The following FOXP1 variants were observed in gnomAD, a reference collection of about 807,000 sequenced individuals.
FOXP1 encodes forkhead box protein P1.
FOXP1 carries 15 observed loss-of-function variants against 98.2 expected under a neutral mutation model. The observed-to-expected ratio is 0.15, with a 90% CI of 0.10 to 0.24. The LOEUF is 0.24. FOXP1 is among the 10% of genes least tolerant of loss of function. The probability of loss-of-function intolerance (pLI) is 1.00; values close to 1 mark genes in which losing one functional copy is unlikely to be tolerated. For missense variants in FOXP1, 633 were observed against 848.5 expected (o/e 0.75, Z 3.15); for synonymous variants, 371 against 314.5 (o/e 1.18, Z -1.90).
At chr3:71,080,030 C>A (rs954328122) in intron 7 of FOXP1, among the ~76,000 whole-genome samples, 1 of 152,176 alleles carries the variant, frequency 6.6e-6, no homozygotes, top group African/African-American at 2.4e-5. Context: ...GAGCAGGACC[C>A]CCAAATCAGG....
chr3:71,545,089 A>G (rs2045249040), intron 2 of FOXP1, among the ~76,000 whole-genome samples: 1 of 141,262 alleles, frequency 7.1e-6, no homozygotes, highest in African/African-American at 2.7e-5. Context: ...CATGGGTGGT[A>G]AAACAATTTT....
rs140365929 is a variant in FOXP1, at chr3:71,436,855, T to A, written c.-168+56571A>T. On this transcript the variant is annotated intron_variant, in intron 3 of 20. Transcript: ENST00000649528. ...ATGTAATTTTGGCGTAACTTTGACA[T>A]CTATCTAAAACACAGGAAACAAAAT... Among the ~76,000 whole-genome samples, 82 of 152,280 alleles carry A rather than the reference T, an allele frequency of 5.4e-4. No individual in the cohort carries two copies. The East Asian group carries it at 0.014, about 26-fold the overall frequency.
chr3:71,414,663 G>A (rs1212433136), intron 3 of FOXP1, among the ~76,000 whole-genome samples: 4 of 152,252 alleles, frequency 2.6e-5, no homozygotes, highest in African/African-American at 9.6e-5. Flanking sequence ...GGGGGAGTAA[G>A]GGGAGAGGGC....
chr3:71,348,534 TGTGTGTGTGTGTGTGCGTGCGC>T (rs1314990565), intron 4 of FOXP1, among the ~76,000 whole-genome samples: 1 of 128,234 alleles, frequency 7.8e-6, no homozygotes, highest in Non-Finnish European at 1.8e-5. Flanking sequence ...TGTGTGTGTG[TGTGTGTGTGTGTGTGCGTGCGC>T]GCGCGCACGC....
At chr3:71,064,684 G>T in intron 7 of FOXP1, 2 of 515,954 alleles carry the variant, frequency 3.9e-6, no homozygotes, top group Non-Finnish European at 5.0e-6. Context: ...AAACAGCGAG[G>T]ATGAGGATGA....
rs190373992 is a variant in FOXP1 at position 71,346,395 on chromosome 3, T to C, written c.-73+12755A>G. On this transcript the variant is annotated intron_variant, in intron 4 of 20. Transcript: ENST00000649528. ...TTTGTTGGGTGGAAGAGGCATTTTT[T>C]TCACTGAGCAAAGAATTACGGTAAA... is the stretch of plus-strand genomic sequence containing the variant. Among the ~76,000 whole-genome samples the C allele has an allele frequency of 2.2e-3, 328 of 152,334 alleles. 1 individual carries two copies. Among genetic ancestry groups the C allele is most frequent in the Admixed American group, 8.8e-3 (134 of 15,300 alleles).
intron 6 of FOXP1, among the ~76,000 whole-genome samples, chr3:71,164,143 A>T (rs2061285437): frequency 6.6e-6 from 1 of 152,232 alleles, no homozygotes; most frequent in Admixed American, 6.5e-5. Context: ...TGTTAGGGCT[A>T]GAAATAAACA....
At chr3:71,426,461 G>T (rs1345521488) in intron 3 of FOXP1, among the ~76,000 whole-genome samples, 1 of 152,118 alleles carries the variant, frequency 6.6e-6, no homozygotes, top group Non-Finnish European at 1.5e-5. Context: ...TCTACAAGAC[G>T]ACCCAAGTGG....
At chr3:71,386,381 G>C (rs2108087152) in intron 3 of FOXP1, among the ~76,000 whole-genome samples, 1 of 152,274 alleles carries the variant, frequency 6.6e-6, no homozygotes, top group African/African-American at 2.4e-5. Flanking sequence ...TCTGACCATT[G>C]CGTGCCCAGG....
At chr3:71,228,272 C>G (rs2065997704) in intron 5 of FOXP1, among the ~76,000 whole-genome samples, 1 of 151,586 alleles carries the variant, frequency 6.6e-6, no homozygotes, top group Non-Finnish European at 1.5e-5. Flanking sequence ...TTTCAATTCT[C>G]TATACGCACC....
chr3:71,545,820 T>C (rs2045311540), intron 2 of FOXP1, among the ~76,000 whole-genome samples: 1 of 152,234 alleles, frequency 6.6e-6, no homozygotes, highest in African/African-American at 2.4e-5. Context: ...GCTATTGCCA[T>C]GTCCCTTTTG....
intron 11 of FOXP1, among the ~76,000 whole-genome samples, chr3:71,029,133 G>A (rs2046517762): frequency 6.6e-6 from 1 of 152,166 alleles, no homozygotes. Flanking sequence ...CCAAAGAGTG[G>A]CAAGTATAGA....
chr3:71,516,339 A>G (rs1177725077), intron 2 of FOXP1, among the ~76,000 whole-genome samples: 1 of 152,166 alleles, frequency 6.6e-6, no homozygotes, highest in Non-Finnish European at 1.5e-5. Flanking sequence ...GGATAGAAAA[A>G]GAATGAAAAA....
At chr3:71,466,781 G>A (rs756217760) in intron 3 of FOXP1, among the ~76,000 whole-genome samples, 5 of 152,208 alleles carry the variant, frequency 3.3e-5, no homozygotes, top group Non-Finnish European at 7.3e-5. Flanking sequence ...ACTGCCTAGG[G>A]CAGGGGGTTG....
intron 5 of FOXP1, among the ~76,000 whole-genome samples, chr3:71,257,899 G>A (rs2068770004): frequency 6.6e-6 from 1 of 152,044 alleles, no homozygotes; most frequent in Non-Finnish European, 1.5e-5. Context: ...TGTAAAATGG[G>A]GGTAACAATC....
chr3:71,447,861 T>C (rs2086595400), intron 3 of FOXP1, among the ~76,000 whole-genome samples: 2 of 152,200 alleles, frequency 1.3e-5, no homozygotes, highest in African/African-American at 4.8e-5. Flanking sequence ...TTTGCAAGTA[T>C]AGAATCTATA....
Position 70,988,059 on chromosome 3 carries a change from G to A in FOXP1, c.1081C>T (p.Arg361Cys), listed in dbSNP as rs748393867. Residue 361 changes from arginine (R) to cysteine (C), a missense_variant, in exon 14 of 21, where the codon CGC (arginine) becomes TGC (cysteine). Coordinates refer to ENST00000649528, the MANE Select transcript of FOXP1 (RefSeq NM_001349338.3). Reference protein sequence around the residue: ...LELQLAKDKERLQAMMTHLHV... With the variant: ...LELQLAKDKECLQAMMTHLHV... ...AGGTGGGTCATCATGGCTTGCAGGC[G>A]TTCTTTGTCTTTTGCAAGCTGGCAA... The A allele has an allele frequency of 3.7e-6, 6 of 1,614,046 alleles. No individual in the cohort carries two copies. The highest frequency in any genetic ancestry group is 4.2e-6 in the Non-Finnish European group (5 of 1,179,968).
At chr3:71,064,267 A>G (rs2052023984) in intron 7 of FOXP1, among the ~76,000 whole-genome samples, 2 of 152,166 alleles carry the variant, frequency 1.3e-5, no homozygotes, top group Admixed American at 1.3e-4. Context: ...AGATATAGAA[A>G]CAAACTATCA....
At chr3:71,249,501 G>T (rs1220321662) in intron 5 of FOXP1, among the ~76,000 whole-genome samples, 2 of 152,214 alleles carry the variant, frequency 1.3e-5, no homozygotes, top group South Asian at 2.1e-4. Context: ...GGAGACTGAG[G>T]CTCAGAGAGG....
Sources: gnomAD v4.1 joint callset for allele counts (sites outside exome capture counted in the v4.1 genomes callset) on GRCh38, gnomAD v4.1.1 for gene constraint, MANE v1.5 for transcripts, NCBI Gene and HGNC (gene_info 2026-07-23, HGNC 2026-07-21) for gene names.